Variants in ACTR3C observed in about 807,000 individuals in gnomAD.
The protein encoded by ACTR3C is actin-related protein 3C.
ACTR3C carries 18 observed loss-of-function variants against 26.3 expected under a neutral mutation model. The ratio of observed to expected loss-of-function variants is 0.68; its 90% CI spans 0.47 to 1.01. The LOEUF is 1.01. Ranked by LOEUF, ACTR3C falls within the 50% of genes least tolerant of loss-of-function variation. The probability of loss-of-function intolerance (pLI) is 0.00; values close to 1 mark genes in which losing one functional copy is unlikely to be tolerated. For synonymous variants in ACTR3C, 55 were observed against 94.5 expected (o/e 0.58, Z 2.42); for missense variants, 184 against 250.7 (o/e 0.73, Z 1.80).
At chr7:150,036,794 C>A in the ACTR3C span, among the ~76,000 whole-genome samples, 22 of 137,668 alleles carry the variant, frequency 1.6e-4, 2 homozygotes, top group African/African-American at 5.6e-4. Context: ...TCTAATTGGA[C>A]ACCTAACACC....
the ACTR3C span, among the ~76,000 whole-genome samples, chr7:149,888,002 T>C: frequency 6.6e-5 from 10 of 151,318 alleles, no homozygotes; most frequent in East Asian, 1.9e-4. Flanking sequence ...AAATCTTTTT[T>C]TTTCCCCCCA....
intron 1 of ACTR3C, among the ~76,000 whole-genome samples, chr7:150,311,278 T>C (rs543880712): frequency 2.1e-4 from 32 of 152,288 alleles, no homozygotes; most frequent in African/African-American, 6.3e-4. Context: ...GCTGTTGGAG[T>C]GCTCACACAG....
At chr7:149,983,321 G>T in the ACTR3C span, among the ~76,000 whole-genome samples, 1 of 150,850 alleles carries the variant, frequency 6.6e-6, no homozygotes. Flanking sequence ...ATAAAAAGAT[G>T]TTCAACATCA....
the ACTR3C span, among the ~76,000 whole-genome samples, chr7:150,167,025 T>TATATAC: frequency 1.3e-5 from 2 of 149,776 alleles, no homozygotes; most frequent in South Asian, 4.2e-4. Flanking sequence ...TGTGTATATA[T>TATATAC]ATATATATAT....
chr7:149,896,524 G>A, the ACTR3C span, among the ~76,000 whole-genome samples: 28 of 151,950 alleles, frequency 1.8e-4, no homozygotes, highest in African/African-American at 6.3e-4. Flanking sequence ...TGTGACTGGC[G>A]GAACTGAACA....
chr7:150,283,631 A>C (rs1466765549), intron 6 of ACTR3C, among the ~76,000 whole-genome samples: 1 of 152,076 alleles, frequency 6.6e-6, no homozygotes, highest in African/African-American at 2.4e-5. Flanking sequence ...TAAATTTTAC[A>C]AGTTCCTTTT....
the ACTR3C span, among the ~76,000 whole-genome samples, chr7:150,055,787 A>C: frequency 6.6e-6 from 1 of 152,322 alleles, no homozygotes; most frequent in African/African-American, 2.4e-5. Flanking sequence ...AGAACTCTGC[A>C]GAACTGCAAA....
the ACTR3C span, among the ~76,000 whole-genome samples, chr7:150,205,467 T>G: frequency 6.6e-6 from 1 of 152,230 alleles, no homozygotes; most frequent in Non-Finnish European, 1.5e-5. Context: ...CTCTCCCAAC[T>G]TGCACCTCTG....
At chr7:150,033,000 AG>A in the ACTR3C span, among the ~76,000 whole-genome samples, 1 of 152,146 alleles carries the variant, frequency 6.6e-6, no homozygotes, top group East Asian at 1.9e-4. Context: ...AGAGCGTAGC[AG>A]GGAAGAGCTC....
At chr7:150,156,058 G>C in the ACTR3C span, among the ~76,000 whole-genome samples, 1 of 151,236 alleles carries the variant, frequency 6.6e-6, no homozygotes, top group Admixed American at 6.6e-5. Flanking sequence ...GCCTTGCAGG[G>C]AGTCAGTGAG....
the ACTR3C span, among the ~76,000 whole-genome samples, chr7:150,134,242 A>AG: frequency 6.6e-6 from 1 of 151,764 alleles, no homozygotes; most frequent in Non-Finnish European, 1.5e-5. Flanking sequence ...TAAAAAAAAA[A>AG]AAAAAAGCCA....
the ACTR3C span, among the ~76,000 whole-genome samples, chr7:150,230,682 T>C: frequency 0.06 from 9,070 of 152,204 alleles, 493 homozygotes; most frequent in African/African-American, 0.14. Context: ...CACCCTCCTG[T>C]GCAGGGAAAA....
rs1835777753 is a variant in ACTR3C, at chr7:150,286,437, T to C, written c.401A>G (p.Asn134Ser). The change falls in exon 5 of 8, where the codon AAC (asparagine) becomes AGC (serine). Residue 134 changes from asparagine to serine, a missense_variant. By Grantham distance (46) the Asn-to-Ser change is conservative (BLOSUM62 1). Coordinates refer to ENST00000683684, the MANE Select transcript of ACTR3C (RefSeq NM_001164458.2). The stretch of plus-strand genomic sequence containing the variant: ...AACGTCTATAACAAACTTCTTCTGG[T>C]TGATCGCATTGATACCCGTGTACTG... ...IKQYTGINAI[N>S]QKKFVIDVGY... is the part of the protein sequence containing the mutation. The C allele has an allele frequency of 6.2e-7, 1 of 1,613,310 alleles. No homozygotes were observed. Among genetic ancestry groups the C allele is most frequent in the Middle Eastern group, 1.6e-4 (1 of 6,082 alleles).
chr7:150,192,858 GACAC>G, the ACTR3C span, among the ~76,000 whole-genome samples: 1 of 152,158 alleles, frequency 6.6e-6, no homozygotes, highest in Non-Finnish European at 1.5e-5. Context: ...GTAAACAACT[GACAC>G]ACAGACACTG....
At chr7:149,964,220 G>A in the ACTR3C span, among the ~76,000 whole-genome samples, 2 of 152,258 alleles carry the variant, frequency 1.3e-5, no homozygotes, top group African/African-American at 4.8e-5. Flanking sequence ...AAGCCAGATA[G>A]TCAGGGCCAC....
chr7:150,026,752 C>G, the ACTR3C span, among the ~76,000 whole-genome samples: 1 of 151,812 alleles, frequency 6.6e-6, no homozygotes, highest in Non-Finnish European at 1.5e-5. Context: ...TTATGTCATT[C>G]AGGAAAAAAA....
chr7:150,184,633 C>T, the ACTR3C span, among the ~76,000 whole-genome samples: 4 of 150,496 alleles, frequency 2.7e-5, no homozygotes, highest in Admixed American at 2.6e-4. Flanking sequence ...CCCTTCTTTC[C>T]TCACTCCTTC....
the ACTR3C span, among the ~76,000 whole-genome samples, chr7:150,208,940 A>G: frequency 2.6e-5 from 4 of 152,188 alleles, no homozygotes; most frequent in African/African-American, 9.7e-5. Flanking sequence ...CATGGACAAC[A>G]TTAACAAGAC....
At chr7:150,113,201 G>A in the ACTR3C span, among the ~76,000 whole-genome samples, 15 of 149,328 alleles carry the variant, frequency 1.0e-4, no homozygotes, top group South Asian at 6.4e-4. Flanking sequence ...CAATTTCCCC[G>A]TCCAACGGAA....
Sources: gnomAD v4.1 joint callset for allele counts (sites outside exome capture counted in the v4.1 genomes callset) on GRCh38, gnomAD v4.1.1 for gene constraint, MANE v1.5 for transcripts, NCBI Gene and HGNC (gene_info 2026-07-23, HGNC 2026-07-21) for gene names.